Variants in STIM1 observed in about 807,000 individuals in gnomAD.
STIM1 encodes stromal interaction molecule 1.
Under a neutral mutation model 74.7 loss-of-function variants are expected in STIM1, and 25 were observed. The ratio of observed to expected loss-of-function variants is 0.33; its 90% CI spans 0.24 to 0.47. The LOEUF (loss-of-function observed/expected upper bound fraction) is 0.47, where lower values mean the gene tolerates loss of function less well. Among genes scored for constraint, STIM1 ranks in the 20% least tolerant of loss-of-function variants. The probability of loss-of-function intolerance (pLI) is 1.00; values close to 1 mark genes in which losing one functional copy is unlikely to be tolerated. For synonymous variants in STIM1, 328 were observed against 348.8 expected (o/e 0.94, Z 0.66); for missense variants, 728 against 920.8 (o/e 0.79, Z 2.71).
intron 1 of STIM1, among the ~76,000 whole-genome samples, chr11:3,902,799 C>G (rs1407347525): frequency 6.6e-6 from 1 of 152,178 alleles, no homozygotes; most frequent in Non-Finnish European, 1.5e-5. Flanking sequence ...GCGTTAATTT[C>G]TGGCCAGCTG....
intron 1 of STIM1, among the ~76,000 whole-genome samples, chr11:3,929,497 G>T (rs1345680264): frequency 6.6e-6 from 1 of 152,158 alleles, no homozygotes; most frequent in Non-Finnish European, 1.5e-5. Flanking sequence ...GCCAAGGGTA[G>T]TACACCTGGG....
chr11:3,895,608 CTCTTTCTTTCTTTCTT>C (rs1157112648), intron 1 of STIM1, among the ~76,000 whole-genome samples: 6 of 53,128 alleles, frequency 1.1e-4, no homozygotes, highest in East Asian at 8.0e-4. Context: ...TTCTTTCTCT[CTCTTTCTTTCTTTCTT>C]TCTTTCTTTC....
chr11:3,895,411 C>T (rs1056430708), intron 1 of STIM1, among the ~76,000 whole-genome samples: 10 of 152,076 alleles, frequency 6.6e-5, no homozygotes, highest in Non-Finnish European at 1.3e-4. Flanking sequence ...TTTTAAAAGC[C>T]GGATAGGTGG....
At chr11:3,895,015 C>T (rs1462300431) in intron 1 of STIM1, among the ~76,000 whole-genome samples, 1 of 150,858 alleles carries the variant, frequency 6.6e-6, no homozygotes, top group Non-Finnish European at 1.5e-5. Flanking sequence ...TCCCAAAGTG[C>T]TGGGATTACA....
At chr11:3,992,999 C>T (rs1188440228) in intron 2 of STIM1, among the ~76,000 whole-genome samples, 2 of 151,372 alleles carry the variant, frequency 1.3e-5, no homozygotes, top group Non-Finnish European at 2.9e-5. Context: ...CACCAAGTCT[C>T]AATAGTCTCC....
chr11:4,073,194 A>C (rs1268634037), intron 6 of STIM1, among the ~76,000 whole-genome samples: 2 of 151,192 alleles, frequency 1.3e-5, no homozygotes, highest in East Asian at 3.9e-4. Context: ...TATATATCTT[A>C]TCTCTTCTTC....
chr11:3,861,721 A>C (rs2090619080), intron 1 of STIM1, among the ~76,000 whole-genome samples: 1 of 152,236 alleles, frequency 6.6e-6, no homozygotes, highest in South Asian at 2.1e-4. Flanking sequence ...CAGTAAGAGA[A>C]TATTGAAAAC....
At chr11:3,977,694 A>G (rs866140407) in intron 2 of STIM1, among the ~76,000 whole-genome samples, 3 of 152,250 alleles carry the variant, frequency 2.0e-5, no homozygotes, top group Non-Finnish European at 4.4e-5. Flanking sequence ...CCTGTATTCA[A>G]AACTTGGCTT....
chr11:4,055,482 G>T (rs373956265), intron 3 of STIM1, 44 bp from the exon 4 acceptor site: 1 of 1,451,968 alleles, frequency 6.9e-7, no homozygotes, highest in African/African-American at 1.4e-5. Context: ...TGAAAGCAGT[G>T]CTTGGCATTC....
intron 2 of STIM1, among the ~76,000 whole-genome samples, chr11:4,001,618 G>C (rs192059815): frequency 4.9e-4 from 75 of 152,288 alleles, no homozygotes; most frequent in Admixed American, 2.9e-3. Context: ...ACCGGTACCA[G>C]CCACTGCAAA....
At chr11:3,997,696 T>G (rs949905430) in intron 2 of STIM1, among the ~76,000 whole-genome samples, 7 of 152,138 alleles carry the variant, frequency 4.6e-5, no homozygotes, top group Non-Finnish European at 8.8e-5. Context: ...TCAGAGAGTT[T>G]TAAGTAATTC....
intron 3 of STIM1, among the ~76,000 whole-genome samples, chr11:4,026,695 T>G (rs2094000617): frequency 6.6e-6 from 1 of 152,174 alleles, no homozygotes; most frequent in African/African-American, 2.4e-5. Flanking sequence ...ATGATTACAA[T>G]TTTATTATAA....
intron 1 of STIM1, among the ~76,000 whole-genome samples, chr11:3,862,692 C>T (rs190539663): frequency 2.6e-5 from 4 of 152,060 alleles, no homozygotes; most frequent in East Asian, 1.9e-4. Context: ...GTGATCTGTC[C>T]GCCTTGGCCT....
At chr11:4,060,470 T>G (rs1025565149) in intron 5 of STIM1, among the ~76,000 whole-genome samples, 1 of 152,228 alleles carries the variant, frequency 6.6e-6, no homozygotes, top group African/African-American at 2.4e-5. Context: ...GGATCCATAC[T>G]TTTTGAAAGT....
chr11:3,860,987 G>A (rs1479527013), intron 1 of STIM1, among the ~76,000 whole-genome samples: 1 of 152,114 alleles, frequency 6.6e-6, no homozygotes. Flanking sequence ...CGATCTGTGT[G>A]GGCTGGGCTA....
chr11:4,038,858 A>T (rs2132976942), intron 3 of STIM1, among the ~76,000 whole-genome samples: 1 of 152,316 alleles, frequency 6.6e-6, no homozygotes, highest in Non-Finnish European at 1.5e-5. Flanking sequence ...TTTTTCTCTC[A>T]TACATGAAAC....
chr11:3,962,332 T>C (rs1037383992), intron 1 of STIM1, among the ~76,000 whole-genome samples: 11 of 152,166 alleles, frequency 7.2e-5, no homozygotes, highest in Non-Finnish European at 1.0e-4. Context: ...GGTGGCAATA[T>C]GTGATGTTTG....
chr11:4,091,938 C>G lies in STIM1; in HGVS notation c.*140C>G. On this transcript the variant is annotated 3_prime_UTR_variant, in exon 13 of 13. Transcript: ENST00000526596. ...TCCAGGGGTCTGGGCACTGTACATA[C>G]CTGCCCCCTCATCCTTGGGTCCTTC... 8.9e-7 allele frequency: 1 copy of G among 1,125,472 alleles called. No individual in the cohort carries two copies. Among genetic ancestry groups the G allele is most frequent in the East Asian group, 2.6e-5 (1 of 39,086 alleles). 69.7% of individuals were successfully genotyped at this position (1,125,472 alleles called of 1,614,324 possible).
At chr11:4,042,160 A>G (rs1448310691) in intron 3 of STIM1, among the ~76,000 whole-genome samples, 1 of 152,232 alleles carries the variant, frequency 6.6e-6, no homozygotes, top group Non-Finnish European at 1.5e-5. Context: ...GCCAAGGCCA[A>G]GTGTTTGCCC....
Sources: allele counts gnomAD v4.1 joint callset (sites outside exome capture counted in the v4.1 genomes callset), GRCh38; gene constraint gnomAD v4.1.1; transcripts MANE v1.5; gene names NCBI Gene and HGNC (gene_info 2026-07-23, HGNC 2026-07-21).